Variants in TMC1 observed in about 807,000 individuals in gnomAD.
TMC1 encodes transmembrane channel-like protein 1.
Under a neutral mutation model 105.8 loss-of-function variants are expected in TMC1, and 84 were observed. The observed-to-expected ratio is 0.79, with a 90% CI of 0.67 to 0.95. The LOEUF (loss-of-function observed/expected upper bound fraction) is 0.95. Ranked by LOEUF, TMC1 falls within the 40% of genes least tolerant of loss-of-function variation. The pLI is 0.00. For synonymous variants in TMC1, 315 were observed against 311.5 expected, an observed-to-expected ratio of 1.01 and a Z score of -0.12; for missense variants, 817 against 914.1, an observed-to-expected ratio of 0.89 and a Z score of 1.37.
chr9:72,611,416 C>T (rs1382434975), intron 2 of TMC1, among the ~76,000 whole-genome samples: 1 of 152,144 alleles, frequency 6.6e-6, no homozygotes, highest in Non-Finnish European at 1.5e-5. Flanking sequence ...AAAAGGCCAT[C>T]GGATTTTACG....
intron 8 of TMC1, among the ~76,000 whole-genome samples, chr9:72,713,769 C>T (rs1826873906): frequency 6.7e-6 from 1 of 150,194 alleles, no homozygotes; most frequent in Admixed American, 6.6e-5. Flanking sequence ...CTGTCTCCTT[C>T]AGTTCTGCTC....
At chr9:72,556,458 G>A (rs911410223) in intron 1 of TMC1, among the ~76,000 whole-genome samples, 15 of 151,770 alleles carry the variant, frequency 9.9e-5, no homozygotes, top group African/African-American at 3.4e-4. Flanking sequence ...CCTTAGGAAC[G>A]TCTCACAAAT....
intron 10 of TMC1, among the ~76,000 whole-genome samples, chr9:72,749,813 A>G (rs1440640063): frequency 1.3e-5 from 2 of 152,188 alleles, no homozygotes; most frequent in African/African-American, 4.8e-5. Context: ...TGGTAGGTAA[A>G]GAATAGACAA....
At chr9:72,833,566 TC>T (rs1829075623) in intron 23 of TMC1, among the ~76,000 whole-genome samples, 1 of 152,106 alleles carries the variant, frequency 6.6e-6, no homozygotes, top group South Asian at 2.1e-4. Context: ...TTCCCCAACT[TC>T]CTCTCTTTTG....
chr9:72,553,909 A>G (rs918807363), intron 1 of TMC1, among the ~76,000 whole-genome samples: 5 of 152,156 alleles, frequency 3.3e-5, no homozygotes, highest in African/African-American at 1.2e-4. Flanking sequence ...ATTATATCTG[A>G]AAACACATTC....
At chr9:72,574,153 G>A (rs1366466415) in intron 1 of TMC1, among the ~76,000 whole-genome samples, 1 of 152,170 alleles carries the variant, frequency 6.6e-6, no homozygotes, top group Non-Finnish European at 1.5e-5. Context: ...TTGCTATTCT[G>A]ATTAGAGAGT....
At chr9:72,733,126 C>G (rs1463304624) in intron 8 of TMC1, among the ~76,000 whole-genome samples, 1 of 151,968 alleles carries the variant, frequency 6.6e-6, no homozygotes, top group Non-Finnish European at 1.5e-5. Context: ...TTTAGTGCTA[C>G]AGAGAACATG....
intron 6 of TMC1, among the ~76,000 whole-genome samples, chr9:72,693,119 C>CAAAA (rs5898267): frequency 2.3e-5 from 3 of 132,592 alleles, no homozygotes; most frequent in Admixed American, 7.6e-5. Flanking sequence ...AATTGTGTCT[C>CAAAA]AAAAAAAAAA....
chr9:72,792,377 G>A, intron 17 of TMC1, 25 bp downstream of exon 17: 2 of 1,613,788 alleles, frequency 1.2e-6, no homozygotes, highest in Non-Finnish European at 1.7e-6. Flanking sequence ...AGAAGTGTAT[G>A]GCAATTAGTA....
At chr9:72,787,866 G>A (rs567695861) in intron 13 of TMC1, among the ~76,000 whole-genome samples, 1 of 152,100 alleles carries the variant, frequency 6.6e-6, no homozygotes, top group African/African-American at 2.4e-5. Context: ...AATTTACATA[G>A]GAGTTTCTTT....
Position 72,836,325 on chromosome 9 carries a change from A to T in TMC1, c.*352A>T, listed in dbSNP as rs1829126573. 3.8e-6 allele frequency: 1 copy of T among 261,198 alleles called. No homozygotes were observed. Among genetic ancestry groups the T allele is most frequent in the Non-Finnish European group, 7.3e-6 (1 of 137,100 alleles). 16.2% of individuals were successfully genotyped at this position (261,198 alleles called of 1,614,324 possible). ...AATTAAAAAAAATTTGCTCATATGA[A>T]CTTTCATTTTATATGTTTCTTTTGC... On this transcript the variant is annotated 3_prime_UTR_variant, in exon 24 of 24. Coordinates refer to ENST00000297784, the MANE Select transcript of TMC1 (RefSeq NM_138691.3).
intron 1 of TMC1, among the ~76,000 whole-genome samples, chr9:72,577,347 C>T (rs896886548): frequency 2.0e-5 from 3 of 152,212 alleles, no homozygotes; most frequent in Non-Finnish European, 4.4e-5. Context: ...CTCCAGTGGA[C>T]TGTTGTGCCT....
intron 8 of TMC1, among the ~76,000 whole-genome samples, chr9:72,719,912 A>G (rs1018072029): frequency 6.6e-6 from 1 of 152,184 alleles, no homozygotes; most frequent in South Asian, 2.1e-4. Flanking sequence ...TTTTTCTGCT[A>G]TTTTATAAGT....
Position 72,700,649 on chromosome 9 carries a change from G to A in TMC1, c.362+6G>A. The A allele has an allele frequency of 1.3e-6, 2 of 1,583,714 alleles. No individual in the cohort carries two copies. Among genetic ancestry groups the A allele is most frequent in the African/African-American group, 1.4e-5 (1 of 73,620 alleles). On this transcript the variant is annotated splice_donor_region_variant and intron_variant, in intron 8 of 23. Transcript: ENST00000297784. ...AAGAAAATTGAAGTTCTCAAGTATG[G>A]TGCCACTTTTTATAAGTAGAAACAC...
At chr9:72,684,079 G>C (rs1364451327) in intron 5 of TMC1, among the ~76,000 whole-genome samples, 4 of 151,932 alleles carry the variant, frequency 2.6e-5, no homozygotes, top group African/African-American at 9.7e-5. Context: ...TAAACCAAAA[G>C]CAGAAATAAA....
chr9:72,569,320 T>C (rs1351901596), intron 1 of TMC1, among the ~76,000 whole-genome samples: 3 of 152,200 alleles, frequency 2.0e-5, no homozygotes, highest in African/African-American at 4.8e-5. Context: ...CCAGAATCTT[T>C]TTAACCTATG....
intron 13 of TMC1, among the ~76,000 whole-genome samples, chr9:72,772,890 C>T (rs946698192): frequency 5.9e-5 from 9 of 152,134 alleles, no homozygotes; most frequent in Non-Finnish European, 8.8e-5. Context: ...CTGCTGGTCT[C>T]TCTTTTGCGT....
chr9:72,743,228 G>T (rs1275183960), intron 10 of TMC1, among the ~76,000 whole-genome samples: 1 of 150,772 alleles, frequency 6.6e-6, no homozygotes, highest in East Asian at 1.9e-4. Flanking sequence ...TTAGCCGGGC[G>T]TAGTGGCGGG....
intron 1 of TMC1, among the ~76,000 whole-genome samples, chr9:72,550,533 C>T (rs899115354): frequency 1.3e-5 from 2 of 151,760 alleles, no homozygotes; most frequent in African/African-American, 2.4e-5. Flanking sequence ...TGGCGGGCGC[C>T]TGTAATCCCA....
Sources: allele counts gnomAD v4.1 joint callset (sites outside exome capture counted in the v4.1 genomes callset), GRCh38; gene constraint gnomAD v4.1.1; transcripts MANE v1.5; gene names NCBI Gene and HGNC (gene_info 2026-07-23, HGNC 2026-07-21).